Variants in SIPA1L3 observed in about 807,000 individuals in gnomAD.
The protein encoded by SIPA1L3 is signal induced proliferation associated 1 like 3.
A neutral mutation model predicts 150.1 loss-of-function variants in SIPA1L3; 59 were observed. The ratio of observed to expected loss-of-function variants is 0.39; its 90% confidence interval spans 0.32 to 0.49. The LOEUF is 0.49. Among genes scored for constraint, SIPA1L3 ranks in the 20% least tolerant of loss-of-function variants. The probability of loss-of-function intolerance (pLI) is 0.86; values close to 1 mark genes in which losing one functional copy is unlikely to be tolerated. For missense variants in SIPA1L3, 2,211 were observed against 2,489.5 expected, an observed-to-expected ratio of 0.89 and a Z score of 2.38; for synonymous variants, 1,070 against 1,077.6, an observed-to-expected ratio of 0.99 and a Z score of 0.14.
intron 1 of SIPA1L3, among the ~76,000 whole-genome samples, chr19:37,926,954 A>G (rs1012330361): frequency 3.3e-5 from 5 of 151,958 alleles, no homozygotes; most frequent in African/African-American, 1.2e-4. Flanking sequence ...CAGATGAGGT[A>G]ACTAAATTTG....
At chr19:38,006,326 G>A (rs568418960) in intron 1 of SIPA1L3, among the ~76,000 whole-genome samples, 1 of 152,332 alleles carries the variant, frequency 6.6e-6, no homozygotes, top group Admixed American at 6.5e-5. Context: ...GGTGCAAGAA[G>A]CAGACAGGGC....
intron 2 of SIPA1L3, among the ~76,000 whole-genome samples, chr19:38,039,390 GGGTGGGGGT>G (rs557199675): frequency 6.7e-4 from 102 of 151,248 alleles, no homozygotes; most frequent in African/African-American, 2.4e-3. Flanking sequence ...TGCCAGCGGG[GGGTGGGGGT>G]GGTGGGGGTG....
At chr19:38,057,215 G>C (rs1296932463) in intron 2 of SIPA1L3, among the ~76,000 whole-genome samples, 2 of 151,832 alleles carry the variant, frequency 1.3e-5, no homozygotes, top group Non-Finnish European at 2.9e-5. Flanking sequence ...ACGTTGCAGT[G>C]AGCTGAAATC....
At chr19:37,909,688 G>T (rs1424987104) in intron 1 of SIPA1L3, among the ~76,000 whole-genome samples, 1 of 152,154 alleles carries the variant, frequency 6.6e-6, no homozygotes, top group East Asian at 1.9e-4. Flanking sequence ...AAGATCGGCT[G>T]AGTTGTTAAT....
At chr19:38,088,387 A>G (rs1212639061) in intron 3 of SIPA1L3, among the ~76,000 whole-genome samples, 1 of 152,264 alleles carries the variant, frequency 6.6e-6, no homozygotes, top group African/African-American at 2.4e-5. Context: ...ATGGCATGCC[A>G]TGCACTGTAC....
chr19:38,061,881 G>T lies in SIPA1L3; in HGVS notation c.-310-19375G>T, dbSNP rs575445494. ...GGTTGGTTTGGGATTTTTGAGTTTT[G>T]TTTTTTTTTTTCATGGATTCAGAAA... On this transcript the variant is annotated intron_variant, in intron 2 of 21. Transcript: ENST00000222345. Among the ~76,000 whole-genome samples, 119 of 142,356 alleles carry T rather than the reference G, an allele frequency of 8.4e-4. 2 individuals carry two copies. Among genetic ancestry groups the T allele is most frequent in the African/African-American group, 2.7e-3 (105 of 38,792 alleles). 93.4% of individuals were successfully genotyped at this position (142,356 alleles called of 152,430 possible).
chr19:38,033,951 G>A (rs111693638), intron 2 of SIPA1L3, among the ~76,000 whole-genome samples: 1,661 of 152,222 alleles, frequency 0.011, 30 homozygotes, highest in African/African-American at 0.039. Context: ...AGAAACCCCC[G>A]CTCACTGCAG....
At chr19:38,073,250 A>G (rs1034339058) in intron 2 of SIPA1L3, among the ~76,000 whole-genome samples, 3 of 152,196 alleles carry the variant, frequency 2.0e-5, no homozygotes, top group Non-Finnish European at 4.4e-5. Flanking sequence ...ACCGTGACGC[A>G]GCAAGCCAGA....
At chr19:37,931,469 G>A (rs1169997554) in intron 1 of SIPA1L3, among the ~76,000 whole-genome samples, 2 of 149,492 alleles carry the variant, frequency 1.3e-5, no homozygotes, top group Admixed American at 6.6e-5. Context: ...GGTTAAGGCC[G>A]GCCGCGGTGG....
chr19:38,080,336 A>T (rs1319829344), intron 2 of SIPA1L3, among the ~76,000 whole-genome samples: 1 of 152,214 alleles, frequency 6.6e-6, no homozygotes, highest in Non-Finnish European at 1.5e-5. Flanking sequence ...GGGCAGAGGA[A>T]CATGTTAAGT....
chr19:38,197,723 C>G (rs1377714887), intron 18 of SIPA1L3, among the ~76,000 whole-genome samples: 1 of 152,026 alleles, frequency 6.6e-6, no homozygotes, highest in South Asian at 2.1e-4. Flanking sequence ...CATATCCAAC[C>G]CTCAGGAAAT....
chr19:38,165,568 C>T (rs1433502021), intron 15 of SIPA1L3, among the ~76,000 whole-genome samples: 1 of 152,162 alleles, frequency 6.6e-6, no homozygotes, highest in Non-Finnish European at 1.5e-5. Flanking sequence ...GAACCCCTTT[C>T]AGCAGCTGGC....
intron 16 of SIPA1L3, among the ~76,000 whole-genome samples, chr19:38,183,444 G>T (rs1399471656): frequency 6.6e-6 from 1 of 152,110 alleles, no homozygotes; most frequent in African/African-American, 2.4e-5. Flanking sequence ...GGGTGGATGT[G>T]GTGTGAGAGA....
chr19:38,013,511 C>T (rs2145684974), intron 1 of SIPA1L3, among the ~76,000 whole-genome samples: 1 of 152,308 alleles, frequency 6.6e-6, no homozygotes, highest in East Asian at 1.9e-4. Flanking sequence ...CTCCCAGTCC[C>T]CTCCTGTGAG....
At chr19:38,080,682 G>A (rs1050246580) in intron 2 of SIPA1L3, among the ~76,000 whole-genome samples, 1 of 151,918 alleles carries the variant, frequency 6.6e-6, no homozygotes, top group Non-Finnish European at 1.5e-5. Context: ...ATGACCTGAT[G>A]TCTGGCCAGG....
At chr19:38,153,669 CAAAAA>C (rs11309008) in intron 13 of SIPA1L3, among the ~76,000 whole-genome samples, 10 of 115,242 alleles carry the variant, frequency 8.7e-5, no homozygotes, top group Non-Finnish European at 1.4e-4. Flanking sequence ...GATTCTGTCT[CAAAAA>C]AAAAAAAAAA....
chr19:38,111,688 G>A (rs1198395095), intron 8 of SIPA1L3, among the ~76,000 whole-genome samples: 4 of 152,198 alleles, frequency 2.6e-5, no homozygotes, highest in African/African-American at 9.7e-5. Context: ...TTGCCCGCTG[G>A]CTACTGGGAG....
intron 9 of SIPA1L3, among the ~76,000 whole-genome samples, chr19:38,128,046 C>CTTTT (rs34053188): frequency 6.0e-5 from 4 of 66,578 alleles, no homozygotes; most frequent in African/African-American, 5.6e-5. Flanking sequence ...CCTTGGGCCT[C>CTTTT]TTTTTTTTTT....
At chr19:38,144,330 G>A (rs546502863) in intron 12 of SIPA1L3, among the ~76,000 whole-genome samples, 1 of 152,370 alleles carries the variant, frequency 6.6e-6, no homozygotes, top group East Asian at 1.9e-4. Flanking sequence ...ATAGTACACA[G>A]TCCGACACAT....
Sources: gnomAD v4.1 joint callset for allele counts (sites outside exome capture counted in the v4.1 genomes callset) on GRCh38, gnomAD v4.1.1 for gene constraint, MANE v1.5 for transcripts, NCBI Gene and HGNC (gene_info 2026-07-23, HGNC 2026-07-21) for gene names.